The following EDA variants were observed in gnomAD, a reference collection of about 807,000 sequenced individuals.
The protein encoded by EDA is ectodysplasin A, also known as ectodysplasin-A.
EDA carries 2 observed loss-of-function variants against 23.6 expected under a neutral mutation model. The observed-to-expected ratio is 0.08, with a 90% CI of 0.03 to 0.27. The LOEUF (loss-of-function observed/expected upper bound fraction) is 0.27. Among genes scored for constraint, EDA ranks in the 10% least tolerant of loss-of-function variants. EDA has a pLI of 1.00. For missense variants in EDA, 229 were observed against 324.2 expected, an observed-to-expected ratio of 0.71 and a Z score of 2.26; for synonymous variants, 131 against 132.0, an observed-to-expected ratio of 0.99 and a Z score of 0.05.
chrX:69,756,948 G>A (rs1216377197), intron 1 of EDA: 1 of 111,687 alleles, frequency 9.0e-6, no homozygotes, highest in Non-Finnish European at 1.9e-5. Context: ...TTGCTGCTAG[G>A]TTGGGATCAC....
At chrX:69,782,455 A>C (rs779349821) in intron 1 of EDA, among the ~76,000 whole-genome samples, 2 of 108,698 alleles carry the variant, frequency 1.8e-5, no homozygotes, top group South Asian at 8.3e-4. Flanking sequence ...AGCCTTGCCC[A>C]GAATTTATTT....
intron 2 of EDA, among the ~76,000 whole-genome samples, chrX:69,960,500 A>G (rs1292674908): frequency 1.8e-5 from 2 of 111,187 alleles, no homozygotes; most frequent in Admixed American, 1.9e-4. Flanking sequence ...AAGTGGATAT[A>G]TAAGTCTACA....
chrX:69,906,618 T>C (rs2018180933), intron 1 of EDA, among the ~76,000 whole-genome samples: 1 of 111,696 alleles, frequency 9.0e-6, no homozygotes, highest in Non-Finnish European at 1.9e-5. Flanking sequence ...AATGTCTTTG[T>C]ATTGTTCCCT....
At chrX:69,722,448 T>C (rs1293046278) in intron 1 of EDA, among the ~76,000 whole-genome samples, 1 of 111,159 alleles carries the variant, frequency 9.0e-6, no homozygotes, top group African/African-American at 3.3e-5. Flanking sequence ...CCTCGTGATC[T>C]GCCCGCCTCA....
chrX:69,658,575 GT>G (rs1173974149), intron 1 of EDA, among the ~76,000 whole-genome samples: 1 of 110,638 alleles, frequency 9.0e-6, no homozygotes, highest in African/African-American at 3.3e-5. Flanking sequence ...TTAAGATTTT[GT>G]CATACTTTCT....
At chrX:69,769,434 A>G (rs766950967) in intron 1 of EDA, among the ~76,000 whole-genome samples, 1 of 111,335 alleles carries the variant, frequency 9.0e-6, no homozygotes, top group Non-Finnish European at 1.9e-5. Context: ...GTTAAGCAGT[A>G]TGTTGTTGGA....
intron 1 of EDA, among the ~76,000 whole-genome samples, chrX:69,679,148 G>T (rs62607567): frequency 2.8e-5 from 3 of 109,009 alleles, no homozygotes; most frequent in Admixed American, 9.8e-5. Flanking sequence ...ATATTGAACC[G>T]GCCTTGCATC....
rs999528943 is a variant in EDA at position 69,842,019 on chromosome X, G to A, written c.397-115008G>A. 1.2e-4 allele frequency among the ~76,000 whole-genome samples: 13 copies of A among 112,203 alleles called. No individual in the cohort carries two copies. The East Asian group carries it at 2.8e-3, about 24-fold the overall frequency. ...ATCTACTATATCAGGGGTCCCCCCC[G>A]TCGGACCATCGACCAATCTGTGGCC... is the stretch of plus-strand genomic sequence containing the variant. On this transcript the variant is annotated intron_variant, in intron 1 of 7. Transcript: ENST00000374552.
At chrX:69,899,781 A>G (rs754330823) in intron 1 of EDA, among the ~76,000 whole-genome samples, 98 of 111,556 alleles carry the variant, frequency 8.8e-4, no homozygotes, top group African/African-American at 3.1e-3. Context: ...AAGTGAAGCT[A>G]TGAAAGGTAA....
chrX:70,015,522 G>A (rs1053798699), intron 2 of EDA, among the ~76,000 whole-genome samples: 5 of 111,341 alleles, frequency 4.5e-5, no homozygotes, highest in Non-Finnish European at 7.5e-5. Context: ...GCAGTGAGCC[G>A]AGATCACGCC....
intron 1 of EDA, among the ~76,000 whole-genome samples, chrX:69,777,038 C>CA (rs1019862063): frequency 1.7e-4 from 19 of 109,134 alleles, no homozygotes; most frequent in African/African-American, 3.0e-4. Flanking sequence ...TTGACCTCCT[C>CA]AAAAAAAAAT....
chrX:69,961,223 C>T (rs763389579), intron 2 of EDA, among the ~76,000 whole-genome samples: 1 of 111,305 alleles, frequency 9.0e-6, no homozygotes, highest in Non-Finnish European at 1.9e-5. Flanking sequence ...GATCCGCCCA[C>T]CTCAGCCTCC....
At chrX:69,726,330 A>G (rs1272344833) in intron 1 of EDA, among the ~76,000 whole-genome samples, 1 of 111,826 alleles carries the variant, frequency 8.9e-6, no homozygotes, top group Non-Finnish European at 1.9e-5. Context: ...CCTGGTAATT[A>G]TTCCAGGTTT....
chrX:70,023,970 T>G (rs764737626), intron 3 of EDA, among the ~76,000 whole-genome samples: 92 of 111,893 alleles, frequency 8.2e-4, no homozygotes, highest in Middle Eastern at 4.6e-3. Flanking sequence ...CATCTACAAG[T>G]GCTCACTTAC....
At chrX:69,784,607 T>G (rs1283671551) in intron 1 of EDA, among the ~76,000 whole-genome samples, 1 of 107,613 alleles carries the variant, frequency 9.3e-6, no homozygotes, top group African/African-American at 3.4e-5. Context: ...GTTGTAGATA[T>G]GTGGCGTTAT....
chrX:69,907,489 A>G (rs1469002875), intron 1 of EDA, among the ~76,000 whole-genome samples: 2 of 111,960 alleles, frequency 1.8e-5, no homozygotes, highest in Non-Finnish European at 3.8e-5. Flanking sequence ...CTGCACAGGA[A>G]GTTATTTGAT....
At chrX:69,643,793 A>G (rs1446356037) in intron 1 of EDA, among the ~76,000 whole-genome samples, 1 of 111,754 alleles carries the variant, frequency 8.9e-6, no homozygotes. Flanking sequence ...TATATGGTGT[A>G]TGGAAGGTGT....
chrX:69,857,493 C>G (rs984621243), intron 1 of EDA, among the ~76,000 whole-genome samples: 3 of 109,619 alleles, frequency 2.7e-5, no homozygotes, highest in Non-Finnish European at 5.7e-5. Flanking sequence ...TTCTGTCTAT[C>G]AGTGAGCATT....
chrX:69,966,940 T>A lies in EDA; in HGVS notation c.502+9808T>A, dbSNP rs941756737. Reference sequence around the variant, plus strand: ...TTTTTATTTTATATGTAAACATATATAAAATATTTTATAAATATTATAGGT... The same window carrying A: ...TTTTTATTTTATATGTAAACATATAAAAAATATTTTATAAATATTATAGGT... On this transcript the variant is annotated intron_variant, in intron 2 of 7. Coordinates refer to ENST00000374552, the MANE Select transcript of EDA (RefSeq NM_001399.5). Among the ~76,000 whole-genome samples, 3 of 109,062 alleles carry A rather than the reference T, an allele frequency of 2.8e-5. No homozygotes were observed. The Admixed American group carries it at 3.0e-4, about 11-fold the overall frequency. The allele number at this position is 109,062 out of a possible 115,157, so 94.7% of individuals were successfully genotyped here. A position where few individuals can be genotyped will look rare whatever the true frequency, so the allele number is the denominator to read the frequency against.
Sources: allele counts gnomAD v4.1 joint callset (sites outside exome capture counted in the v4.1 genomes callset), GRCh38; gene constraint gnomAD v4.1.1; transcripts MANE v1.5; gene names NCBI Gene and HGNC (gene_info 2026-07-23, HGNC 2026-07-21).